The following DHX57 variants were observed in gnomAD, a reference collection of about 807,000 sequenced individuals.
DHX57 encodes the protein DExH-box helicase 57.
In DHX57, 105 loss-of-function variants were observed where a neutral mutation model predicts 156.2. The observed-to-expected ratio is 0.67, with a 90% CI of 0.57 to 0.79. The LOEUF (loss-of-function observed/expected upper bound fraction) is 0.79. DHX57 is among the 30% of genes least tolerant of loss of function. DHX57 has a pLI of 0.00. For missense variants in DHX57, 1,847 were observed against 1,661.9 expected (o/e 1.11, Z -1.94); for synonymous variants, 704 against 595.6 (o/e 1.18, Z -2.65).
intron 9 of DHX57, among the ~76,000 whole-genome samples, chr2:38,850,341 G>A (rs1159001089): frequency 6.6e-6 from 1 of 152,012 alleles, no homozygotes; most frequent in Non-Finnish European, 1.5e-5. Flanking sequence ...GGAGTGCAGT[G>A]GCGTTATCAT....
chr2:38,832,938 T>C (rs1223376279), intron 13 of DHX57, among the ~76,000 whole-genome samples: 1 of 152,042 alleles, frequency 6.6e-6, no homozygotes, highest in Non-Finnish European at 1.5e-5. Context: ...TAGGCACTGT[T>C]CTAGGGTCTG....
At chr2:38,828,005 G>A (rs1362542805) in intron 14 of DHX57, among the ~76,000 whole-genome samples, 1 of 151,816 alleles carries the variant, frequency 6.6e-6, no homozygotes, top group African/African-American at 2.4e-5. Context: ...TATAGGTGCC[G>A]GCCACCACAC....
At chr2:38,857,950 C>A (rs1396950096) in intron 6 of DHX57, among the ~76,000 whole-genome samples, 1 of 152,110 alleles carries the variant, frequency 6.6e-6, no homozygotes, top group Non-Finnish European at 1.5e-5. Context: ...TTATGTTTTC[C>A]AGGCTGGCAT....
chr2:38,819,230 A>C, intron 17 of DHX57, 86 bp from the exon 18 acceptor site: 3 of 1,286,284 alleles, frequency 2.3e-6, no homozygotes, highest in Non-Finnish European at 2.2e-6. Flanking sequence ...GCTGGAGTGC[A>C]GTGGTGCGAT....
At chr2:38,854,964 C>T (rs1672807448) in intron 8 of DHX57, 93 bp downstream of exon 8, 2 of 1,214,130 alleles carry the variant, frequency 1.6e-6, no homozygotes, top group African/African-American at 3.0e-5. Context: ...AAGTATATAT[C>T]CCAAATTGCC....
intron 21 of DHX57, among the ~76,000 whole-genome samples, chr2:38,812,916 T>C (rs1670344684): frequency 6.7e-6 from 1 of 149,450 alleles, no homozygotes; most frequent in Non-Finnish European, 1.5e-5. Flanking sequence ...GGCATGGTCT[T>C]GGCTTACTGC....
Position 38,848,345 on chromosome 2 carries a change from A to G in DHX57, c.2088T>C (p.Val696=). ...CGTTTAGAGTTGCACTCATTAAAAT[A>G]ACTTGAAGACCTGGCCTCTGCGATA... The part of the protein sequence containing the change: ...DIVSQRPGLQ[V]ILMSATLNAE... The change falls in exon 10 of 24, where the codon GTT becomes GTC. Residue 696 remains valine, a synonymous_variant. Coordinates refer to ENST00000457308, the MANE Select transcript of DHX57 (RefSeq NM_198963.3). 2 of 1,612,704 alleles carry G rather than the reference A, an allele frequency of 1.2e-6. No individual in the cohort carries two copies. The highest frequency in any genetic ancestry group is 1.7e-6 in the Non-Finnish European group (2 of 1,179,436).
At chr2:38,873,750 T>C (rs1462973789) in intron 1 of DHX57, among the ~76,000 whole-genome samples, 1 of 152,236 alleles carries the variant, frequency 6.6e-6, no homozygotes, top group South Asian at 2.1e-4. Flanking sequence ...TTCTGCTTCA[T>C]GAAGCTTACC....
At chr2:38,860,318 G>A (rs570342245) in intron 5 of DHX57, among the ~76,000 whole-genome samples, 4 of 152,072 alleles carry the variant, frequency 2.6e-5, no homozygotes, top group Admixed American at 6.5e-5. Flanking sequence ...GCGTGGTGGC[G>A]GGTGCCTGTA....
chr2:38,840,574 A>AAAACAAAC (rs35362737), intron 12 of DHX57, among the ~76,000 whole-genome samples: 29 of 150,386 alleles, frequency 1.9e-4, no homozygotes, highest in East Asian at 4.0e-4. Flanking sequence ...TGTTTTTTTT[A>AAAACAAAC]AAACAAACAA....
Position 38,798,185 on chromosome 2 carries a change from G to A in DHX57, c.*114C>T. 7.1e-7 allele frequency: 1 copy of A among 1,409,718 alleles called. No individual in the cohort carries two copies. The highest frequency in any genetic ancestry group is 9.6e-7 in the Non-Finnish European group (1 of 1,043,914). The allele number at this position is 1,409,718 out of a possible 1,614,324, so 87.3% of individuals were successfully genotyped here. On this transcript the variant is annotated 3_prime_UTR_variant, in exon 24 of 24. Coordinates refer to ENST00000457308, the MANE Select transcript of DHX57 (RefSeq NM_198963.3). ...AGCTGCCTTGGGCTTCATGCCCTGG[G>A]CTCCTCCACCAGGGCCAGCCCCAAT...
At chr2:38,846,771 A>C (rs973951524) in intron 11 of DHX57, among the ~76,000 whole-genome samples, 1 of 152,188 alleles carries the variant, frequency 6.6e-6, no homozygotes, top group African/African-American at 2.4e-5. Flanking sequence ...GTGCAGAAAA[A>C]TTAGAAAAAA....
intron 9 of DHX57, 121 bp from the exon 10 acceptor site, chr2:38,848,523 C>A: frequency 9.7e-7 from 1 of 1,034,504 alleles, no homozygotes. Flanking sequence ...AAACCATTAA[C>A]GTTCATAGAA....
chr2:38,863,424 T>A lies in DHX57; in HGVS notation c.320A>T (p.Asn107Ile). 6.2e-7 allele frequency: 1 copy of A among 1,614,106 alleles called. No homozygotes were observed. Among genetic ancestry groups the A allele is most frequent in the Non-Finnish European group, 8.5e-7 (1 of 1,180,024 alleles). ...GAGAAGAGCTTTCACTTTCTCTTGA[T>A]TCTCAGAAGTCATATGTAGAGTCTG... ...PLQTLHMTSENQEKVKALLRD... is the reference protein window; with the variant it reads ...PLQTLHMTSEIQEKVKALLRD... The change falls in exon 3 of 24, where the codon AAT (asparagine) becomes ATT (isoleucine). Residue 107 changes from asparagine to isoleucine, a missense_variant. Transcript: ENST00000457308.
intron 11 of DHX57, 42 bp from the exon 12 acceptor site, chr2:38,843,252 G>C (rs375562747): frequency 5.0e-6 from 8 of 1,599,850 alleles, no homozygotes; most frequent in Non-Finnish European, 6.8e-6. Context: ...ATGTGGTCCT[G>C]TTGGTGAGGA....
chr2:38,800,185 CA>C (rs55726914), intron 23 of DHX57, among the ~76,000 whole-genome samples: 71,375 of 93,584 alleles, frequency 0.76, 26,924 homozygotes, highest in East Asian at 0.95. Flanking sequence ...AACTCCATCT[CA>C]AAAAAAAAAA....
intron 11 of DHX57, among the ~76,000 whole-genome samples, chr2:38,845,494 G>A (rs1379482441): frequency 1.3e-5 from 2 of 151,714 alleles, no homozygotes; most frequent in African/African-American, 4.8e-5. Flanking sequence ...CAGAGAAGGA[G>A]AAAAATTCTG....
At chr2:38,815,716 C>CA in intron 19 of DHX57, 61 bp from the exon 20 acceptor site, 2 of 1,600,102 alleles carry the variant, frequency 1.2e-6, no homozygotes, top group Non-Finnish European at 1.7e-6. Flanking sequence ...TTAAGTCTTA[C>CA]AAAAATGAGT....
Position 38,823,244 on chromosome 2 carries a change from C to G in DHX57, c.3040G>C (p.Ala1014Pro), listed in dbSNP as rs142332924. 381 of 1,612,556 alleles carry G rather than the reference C, an allele frequency of 2.4e-4. 3 individuals carry two copies. The African/African-American group carries it at 4.3e-3, about 18-fold the overall frequency. Residue 1014 changes from alanine (A) to proline (P), a missense_variant, in exon 17 of 24, where the codon GCT becomes CCT. Transcript: ENST00000457308. ...GAGAACACAGACTGGAGATTATGAG[C>G]ACTAAACATCTCTAAAATTTTAATT... ...LRIKILEMFS[A>P]HNLQSVFSRL...
Sources: gnomAD v4.1 joint callset for allele counts (sites outside exome capture counted in the v4.1 genomes callset) on GRCh38, gnomAD v4.1.1 for gene constraint, MANE v1.5 for transcripts, NCBI Gene and HGNC (gene_info 2026-07-23, HGNC 2026-07-21) for gene names.